GRIA1: variants seen among roughly 807,000 people sequenced by gnomAD.
The protein encoded by GRIA1 is glutamate ionotropic receptor AMPA type subunit 1.
Under a neutral mutation model 99.2 loss-of-function variants are expected in GRIA1, and 31 were observed. The ratio of observed to expected loss-of-function variants is 0.31; its 90% CI spans 0.23 to 0.42. The LOEUF (loss-of-function observed/expected upper bound fraction) is 0.42. Ranked by LOEUF, GRIA1 falls within the 10% of genes least tolerant of loss-of-function variation. GRIA1 has a pLI of 1.00. For synonymous variants in GRIA1, 438 were observed against 432.4 expected (o/e 1.01, Z -0.16); for missense variants, 782 against 1,157.5 (o/e 0.68, Z 4.71).
At chr5:153,682,615 A>G (rs1757053962) in intron 7 of GRIA1, among the ~76,000 whole-genome samples, 1 of 151,990 alleles carries the variant, frequency 6.6e-6, no homozygotes, top group Non-Finnish European at 1.5e-5. Context: ...AGGCCATTTT[A>G]GCCAGAATTC....
At chr5:153,535,856 A>G (rs147527073) in intron 2 of GRIA1, among the ~76,000 whole-genome samples, 24 of 152,186 alleles carry the variant, frequency 1.6e-4, no homozygotes, top group Admixed American at 5.2e-4. Context: ...ATCTGCCACC[A>G]AGTTCTGGAG....
At chr5:153,550,221 A>T (rs910634801) in intron 2 of GRIA1, among the ~76,000 whole-genome samples, 1 of 151,930 alleles carries the variant, frequency 6.6e-6, no homozygotes, top group South Asian at 2.1e-4. Context: ...ATATGCTAAG[A>T]TATGTTCATT....
At chr5:153,713,985 A>G (rs1377301156) in intron 11 of GRIA1, among the ~76,000 whole-genome samples, 2 of 152,230 alleles carry the variant, frequency 1.3e-5, no homozygotes, top group Non-Finnish European at 2.9e-5. Flanking sequence ...GGCAGGCAAT[A>G]AATAAAATAA....
chr5:153,553,660 CAGTAT>C (rs1760357325), intron 2 of GRIA1, among the ~76,000 whole-genome samples: 1 of 152,100 alleles, frequency 6.6e-6, no homozygotes, highest in African/African-American at 2.4e-5. Context: ...CTTCCCTTAC[CAGTAT>C]TCGTAGAACC....
chr5:153,676,388 C>G (rs1269207876), intron 6 of GRIA1, among the ~76,000 whole-genome samples: 1 of 152,014 alleles, frequency 6.6e-6, no homozygotes, highest in Non-Finnish European at 1.5e-5. Context: ...CCCTTTTTGT[C>G]AGGAGAGGGT....
At chr5:153,767,510 G>A (rs1278504590) in intron 12 of GRIA1, among the ~76,000 whole-genome samples, 1 of 152,160 alleles carries the variant, frequency 6.6e-6, no homozygotes, top group African/African-American at 2.4e-5. Context: ...TAAAAGGAGA[G>A]TACTGCCAAG....
intron 2 of GRIA1, among the ~76,000 whole-genome samples, chr5:153,637,339 G>A (rs1056044271): frequency 1.3e-5 from 2 of 152,154 alleles, no homozygotes; most frequent in Non-Finnish European, 2.9e-5. Flanking sequence ...GAGTTGTTTA[G>A]ACAGCTGTCT....
chr5:153,541,554 T>C (rs1216876799), intron 2 of GRIA1, among the ~76,000 whole-genome samples: 1 of 152,208 alleles, frequency 6.6e-6, no homozygotes, highest in Non-Finnish European at 1.5e-5. Flanking sequence ...ATTCCCTCAG[T>C]ATACCTAGCA....
At chr5:153,623,967 G>T (rs1451855540) in intron 2 of GRIA1, among the ~76,000 whole-genome samples, 1 of 151,772 alleles carries the variant, frequency 6.6e-6, no homozygotes, top group Non-Finnish European at 1.5e-5. Context: ...CCCATATATG[G>T]ATTGAAATCA....
intron 2 of GRIA1, among the ~76,000 whole-genome samples, chr5:153,601,771 T>G (rs1012550719): frequency 2.4e-4 from 36 of 152,226 alleles, no homozygotes; most frequent in African/African-American, 8.7e-4. Flanking sequence ...TTTTGAATTG[T>G]AAGGGACCTT....
At chr5:153,539,501 C>G (rs1758872892) in intron 2 of GRIA1, among the ~76,000 whole-genome samples, 1 of 152,234 alleles carries the variant, frequency 6.6e-6, no homozygotes, top group Non-Finnish European at 1.5e-5. Context: ...GGAAATTCCA[C>G]TCACCATACC....
At chr5:153,732,674 T>C (rs1298922546) in intron 11 of GRIA1, among the ~76,000 whole-genome samples, 3 of 150,820 alleles carry the variant, frequency 2.0e-5, no homozygotes, top group Non-Finnish European at 4.4e-5. Flanking sequence ...AATTCCATAA[T>C]TGCCTTTTCA....
chr5:153,498,392 A>G (rs966336286), intron 2 of GRIA1, among the ~76,000 whole-genome samples: 1 of 152,220 alleles, frequency 6.6e-6, no homozygotes, highest in Non-Finnish European at 1.5e-5. Flanking sequence ...GACCATGTAT[A>G]TCTATAGTTT....
chr5:153,791,169 C>T (rs1765274687), intron 13 of GRIA1, among the ~76,000 whole-genome samples: 1 of 151,102 alleles, frequency 6.6e-6, no homozygotes, highest in Non-Finnish European at 1.5e-5. Context: ...GGAAAGGTGG[C>T]TTATGCCTGT....
intron 2 of GRIA1, among the ~76,000 whole-genome samples, chr5:153,632,918 G>A (rs1753081270): frequency 6.6e-6 from 1 of 152,228 alleles, no homozygotes; most frequent in South Asian, 2.1e-4. Context: ...GGAGTGAAAA[G>A]CTTTCCACTG....
intron 2 of GRIA1, among the ~76,000 whole-genome samples, chr5:153,598,802 CT>C (rs10550235): frequency 6.6e-6 from 1 of 151,510 alleles, no homozygotes; most frequent in Non-Finnish European, 1.5e-5. Context: ...ACCACGGCAG[CT>C]TTTTTTTCTC....
chr5:153,594,221 A>G (rs1764230016), intron 2 of GRIA1, among the ~76,000 whole-genome samples: 1 of 152,230 alleles, frequency 6.6e-6, no homozygotes, highest in Admixed American at 6.5e-5. Flanking sequence ...TCATGGGGCT[A>G]GAAAGACATT....
At chr5:153,747,233 G>A (rs1368261801) in intron 11 of GRIA1, among the ~76,000 whole-genome samples, 2 of 152,168 alleles carry the variant, frequency 1.3e-5, no homozygotes, top group Non-Finnish European at 1.5e-5. Context: ...AAGGCAAAGA[G>A]GAGCAGCGTG....
intron 11 of GRIA1, among the ~76,000 whole-genome samples, chr5:153,757,148 A>T (rs1481166685): frequency 4.6e-5 from 7 of 152,176 alleles, no homozygotes; most frequent in African/African-American, 1.4e-4. Context: ...AAATTAATGA[A>T]TTTTTTTAAA....
Sources: gnomAD v4.1 joint callset for allele counts (sites outside exome capture counted in the v4.1 genomes callset) on GRCh38, gnomAD v4.1.1 for gene constraint, MANE v1.5 for transcripts, NCBI Gene and HGNC (gene_info 2026-07-23, HGNC 2026-07-21) for gene names.